Variants in SND1 observed in about 807,000 individuals in gnomAD.
SND1 encodes staphylococcal nuclease and tudor domain containing 1.
Under a neutral mutation model 121.7 loss-of-function variants are expected in SND1, and 38 were observed. The observed-to-expected ratio is 0.31, with a 90% CI of 0.24 to 0.41. The LOEUF (loss-of-function observed/expected upper bound fraction) is 0.41, where lower values mean the gene tolerates loss of function less well. Among genes scored for constraint, SND1 ranks in the 10% least tolerant of loss-of-function variants. The pLI, the probability that SND1 is intolerant of heterozygous loss-of-function variation, is 1.00. For missense variants in SND1, 868 were observed against 1,184.6 expected, an observed-to-expected ratio of 0.73 and a Z score of 3.92; for synonymous variants, 401 against 447.4, an observed-to-expected ratio of 0.90 and a Z score of 1.31.
At chr7:127,739,366 T>C (rs1377096286) in intron 10 of SND1, among the ~76,000 whole-genome samples, 1 of 152,226 alleles carries the variant, frequency 6.6e-6, no homozygotes, top group African/African-American at 2.4e-5. Context: ...GAAATATTTA[T>C]GTGAACCCAG....
chr7:127,758,294 A>G (rs6467146), intron 10 of SND1, among the ~76,000 whole-genome samples: 143,938 of 152,300 alleles, frequency 0.95, 68,463 homozygotes, highest in Non-Finnish European at 1. Flanking sequence ...AGAATACCAG[A>G]CATGGTATTG....
At chr7:128,056,061 A>G (rs1793136956) in intron 16 of SND1, among the ~76,000 whole-genome samples, 1 of 152,246 alleles carries the variant, frequency 6.6e-6, no homozygotes, top group Non-Finnish European at 1.5e-5. Context: ...GGGACTTAAA[A>G]CAACCACTTC....
intron 16 of SND1, chr7:128,030,696 C>T (rs1792562962): frequency 2.0e-6 from 3 of 1,516,014 alleles, no homozygotes; most frequent in Admixed American, 2.2e-5. Context: ...GAAAGGAGAA[C>T]CAGCCCTACC....
intron 10 of SND1, among the ~76,000 whole-genome samples, chr7:127,770,687 A>G (rs371884616): frequency 6.6e-6 from 1 of 152,140 alleles, no homozygotes; most frequent in East Asian, 1.9e-4. Context: ...TCAGTTTTCA[A>G]TTCAGTGCTT....
intron 10 of SND1, among the ~76,000 whole-genome samples, chr7:127,785,577 T>C (rs953599893): frequency 2.2e-4 from 34 of 152,214 alleles, no homozygotes; most frequent in Admixed American, 7.8e-4. Context: ...GTGACTGTAA[T>C]TGCTAGATGT....
chr7:128,045,056 G>C (rs755881668), intron 16 of SND1, among the ~76,000 whole-genome samples: 127 of 152,272 alleles, frequency 8.3e-4, no homozygotes, highest in Non-Finnish European at 1.6e-3. Flanking sequence ...CATAGATAGC[G>C]TGGAAACTAG....
At chr7:128,038,217 C>T (rs1792787684) in intron 16 of SND1, among the ~76,000 whole-genome samples, 1 of 152,174 alleles carries the variant, frequency 6.6e-6, no homozygotes, top group Non-Finnish European at 1.5e-5. Context: ...AATATTTTTT[C>T]CCAAATGGAC....
intron 16 of SND1, among the ~76,000 whole-genome samples, chr7:128,023,330 G>A (rs1199386230): frequency 6.6e-6 from 1 of 152,128 alleles, no homozygotes; most frequent in Non-Finnish European, 1.5e-5. Context: ...ACACTTAATG[G>A]TCAGGGAGGA....
intron 10 of SND1, among the ~76,000 whole-genome samples, chr7:127,777,478 T>G (rs982059050): frequency 2.6e-5 from 4 of 152,158 alleles, no homozygotes; most frequent in African/African-American, 9.7e-5. Context: ...CCGTCTTAAT[T>G]GGATAAATTG....
intron 16 of SND1, chr7:128,030,137 G>A: frequency 6.2e-7 from 1 of 1,614,220 alleles, no homozygotes; most frequent in Non-Finnish European, 8.5e-7. Flanking sequence ...AGGGCACCCG[G>A]TTGAAGGCGT....
intron 10 of SND1, among the ~76,000 whole-genome samples, chr7:127,738,435 C>A (rs781708418): frequency 1.3e-5 from 2 of 151,908 alleles, no homozygotes; most frequent in Non-Finnish European, 2.9e-5. Flanking sequence ...CCTGCCACCA[C>A]GCTTGTCTAA....
chr7:128,013,494 T>C (rs917171065), intron 16 of SND1, among the ~76,000 whole-genome samples: 1 of 152,216 alleles, frequency 6.6e-6, no homozygotes, highest in Non-Finnish European at 1.5e-5. Context: ...AGTTTCTCAG[T>C]CATTTGGAAT....
At chr7:127,978,794 C>T (rs1029314913) in intron 15 of SND1, among the ~76,000 whole-genome samples, 1 of 152,128 alleles carries the variant, frequency 6.6e-6, no homozygotes, top group South Asian at 2.1e-4. Flanking sequence ...TCAAGCGATT[C>T]TCCTGCGTCA....
At chr7:127,825,918 G>C (rs188588083) in intron 11 of SND1, among the ~76,000 whole-genome samples, 2 of 152,126 alleles carry the variant, frequency 1.3e-5, no homozygotes, top group Admixed American at 6.5e-5. Context: ...GAGGCCGGGC[G>C]TGGTGGCTCA....
chr7:127,917,407 C>T (rs1230968980), intron 14 of SND1, among the ~76,000 whole-genome samples: 11 of 152,090 alleles, frequency 7.2e-5, no homozygotes, highest in African/African-American at 2.7e-4. Flanking sequence ...TATTTCTGAG[C>T]CTGACTGTTG....
At chr7:127,696,773 CTT>C (rs1796012818) in intron 3 of SND1, among the ~76,000 whole-genome samples, 1 of 151,834 alleles carries the variant, frequency 6.6e-6, no homozygotes, top group Non-Finnish European at 1.5e-5. Context: ...TAAAAGTTTA[CTT>C]TTTAAACTGA....
In SND1 at chr7:127,686,753, C is replaced by G. The variant is rs199802956; in HGVS notation, c.219C>G (p.Thr73=). 3 of 1,613,568 alleles carry G rather than the reference C, an allele frequency of 1.9e-6. No individual in the cohort carries two copies. The African/African-American group carries it at 4.0e-5, about 22-fold the overall frequency. ...CCACACAACCTGATGCAAAGGATAC[C>G]CCTGATGAGGTAGGTGTTTCCTGAG... is the stretch of plus-strand genomic sequence containing the variant. ...AAATQPDAKD[T]PDEPWAFPAR... The change falls in exon 2 of 24, where the codon ACC becomes ACG. Residue 73 remains threonine (T), a synonymous_variant. Coordinates refer to ENST00000354725, the MANE Select transcript of SND1 (RefSeq NM_014390.4).
rs1796133741 is a variant in SND1 at position 127,703,196 on chromosome 7, G to A, written c.713G>A (p.Ser238Asn). 2 of 1,614,012 alleles carry A rather than the reference G, an allele frequency of 1.2e-6. No individual in the cohort carries two copies. Among genetic ancestry groups the A allele is most frequent in the Non-Finnish European group, 1.7e-6 (2 of 1,179,996 alleles). Reference sequence around the variant, plus strand: ...ACTTTTCGACGGGAAGCAGATGGCAGTGAAACTCCAGAGCCTTTTGCTGCA... The same window carrying A: ...ACTTTTCGACGGGAAGCAGATGGCAATGAAACTCCAGAGCCTTTTGCTGCA... ...CPTFRREADGSETPEPFAAEA... is the reference protein window; with the variant it reads ...CPTFRREADGNETPEPFAAEA... The change falls in exon 7 of 24, where the codon AGT becomes AAT. Residue 238 changes from serine to asparagine, a missense_variant. Physicochemically the swap from Ser to Asn is conservative, Grantham distance 46 (BLOSUM62 1). This residue lies in a region of SND1 where 743 missense variants were observed against 1,071.3 expected (regional missense o/e 0.69). Coordinates refer to ENST00000354725, the MANE Select transcript of SND1 (RefSeq NM_014390.4).
At chr7:127,732,142 A>G (rs1796689009) in intron 10 of SND1, among the ~76,000 whole-genome samples, 1 of 152,182 alleles carries the variant, frequency 6.6e-6, no homozygotes, top group African/African-American at 2.4e-5. Flanking sequence ...GATGGTTCTC[A>G]AAAGTTTTGT....
Sources: gnomAD v4.1 joint callset for allele counts (sites outside exome capture counted in the v4.1 genomes callset) on GRCh38, gnomAD v4.1.1 for gene constraint, gnomAD v4.1.1 regional missense constraint, MANE v1.5 for transcripts, NCBI Gene and HGNC (gene_info 2026-07-23, HGNC 2026-07-21) for gene names.